The following TCP11L2 variants were observed in gnomAD, a reference collection of about 807,000 sequenced individuals.
The protein encoded by TCP11L2 is t-complex 11 like 2.
A neutral mutation model predicts 50.7 loss-of-function variants in TCP11L2; 39 were observed. That is an observed-to-expected ratio of 0.77 (90% CI 0.60 to 1.01). The LOEUF (loss-of-function observed/expected upper bound fraction) is 1.01, where lower values mean the gene tolerates loss of function less well. Among genes scored for constraint, TCP11L2 ranks in the 50% least tolerant of loss-of-function variants. TCP11L2 has a pLI of 0.00. For synonymous variants in TCP11L2, 192 were observed against 219.3 expected (o/e 0.88, Z 1.10); for missense variants, 612 against 614.7 (o/e 1.00, Z 0.05).
rs538930627 is a variant in TCP11L2 at position 106,337,849 on chromosome 12, A to G, written c.1142+1636A>G. Among the ~76,000 whole-genome samples, 8 of 152,354 alleles carry G rather than the reference A, an allele frequency of 5.3e-5. No individual in the cohort carries two copies. In the East Asian group the frequency reaches 1.5e-3, roughly 29 times the overall value. ...CTAGCTATTAATAACTAGTCATTAA[A>G]TCATCCTCTTTATAATTGTATCTGG... On this transcript the variant is annotated intron_variant, in intron 8 of 9. Coordinates refer to ENST00000299045, the MANE Select transcript of TCP11L2 (RefSeq NM_152772.3).
chr12:106,310,361 T>C (rs2034807543), intron 1 of TCP11L2, among the ~76,000 whole-genome samples: 1 of 152,182 alleles, frequency 6.6e-6, no homozygotes, highest in Admixed American at 6.5e-5. Flanking sequence ...TTAATCTTCA[T>C]ATCACAGCAG....
chr12:106,346,254 G>T lies in TCP11L2; in HGVS notation c.1316-32G>T, dbSNP rs564245868. On this transcript the variant is annotated intron_variant, in intron 9 of 9. Coordinates refer to ENST00000299045, the MANE Select transcript of TCP11L2 (RefSeq NM_152772.3). ...TTAAAAATTATGTACTTTAATAATG[G>T]ACAGATAAAAGTATCTTTTTTTCCC... The T allele has an allele frequency of 2.3e-5, 36 of 1,571,234 alleles. No homozygotes were observed. The South Asian group carries it at 3.8e-4, about 17-fold the overall frequency.
chr12:106,333,065 G>A (rs2035797948), intron 6 of TCP11L2, among the ~76,000 whole-genome samples: 2 of 152,172 alleles, frequency 1.3e-5, no homozygotes, highest in African/African-American at 4.8e-5. Flanking sequence ...TGGTTACAGG[G>A]ATCCACATAT....
chr12:106,318,775 A>G (rs190596531), intron 4 of TCP11L2, among the ~76,000 whole-genome samples: 2 of 152,272 alleles, frequency 1.3e-5, no homozygotes, highest in Non-Finnish European at 2.9e-5. Context: ...CGGTGGCACA[A>G]TCTCGGCTCA....
intron 5 of TCP11L2, among the ~76,000 whole-genome samples, chr12:106,322,977 G>C (rs1314437804): frequency 6.6e-6 from 1 of 152,146 alleles, no homozygotes; most frequent in Non-Finnish European, 1.5e-5. Context: ...TTATCTCATT[G>C]ACTGTTCACA....
chr12:106,329,338 G>C lies in TCP11L2; in HGVS notation c.772+5692G>C, dbSNP rs146483435. 1.1e-3 allele frequency: 1,659 copies of C among 1,536,090 alleles called. 21 individuals carry two copies. The African/African-American group carries it at 0.02, about 19-fold the overall frequency. On this transcript the variant is annotated intron_variant, in intron 6 of 9. Transcript: ENST00000299045. ...CTTAATCCTGTCCCCAGGAAAAGCC[G>C]AGGTTGCAGGTGCCTCATGAGGCTG...
At chr12:106,337,496 T>C (rs2035957377) in intron 8 of TCP11L2, among the ~76,000 whole-genome samples, 1 of 152,224 alleles carries the variant, frequency 6.6e-6, no homozygotes, top group Non-Finnish European at 1.5e-5. Context: ...TATCTTATGA[T>C]TTCCCTGCAT....
rs753239372 is a variant in TCP11L2 at position 106,323,598 on chromosome 12, G to A, written c.724G>A (p.Val242Met). Residue 242 changes from valine to methionine, a missense_variant, in exon 6 of 10, where the codon GTG becomes ATG. Physicochemically the swap from Val to Met is conservative, Grantham distance 21. Coordinates refer to ENST00000299045, the MANE Select transcript of TCP11L2 (RefSeq NM_152772.3). ...CAGACCGCACCTTCAACGCCAGTTG[G>A]TGGAATATGAGAGAACCAAGTTCCA... Reference protein sequence around the residue: ...SLRPHLQRQLVEYERTKFQEI... With the variant: ...SLRPHLQRQLMEYERTKFQEI... The A allele has an allele frequency of 6.2e-7, 1 of 1,607,076 alleles. No homozygotes were observed. Among genetic ancestry groups the A allele is most frequent in the Non-Finnish European group, 8.5e-7 (1 of 1,176,856 alleles).
chr12:106,298,211 A>G (rs897264242), upstream of TCP11L2, among the ~76,000 whole-genome samples: 3 of 152,198 alleles, frequency 2.0e-5, no homozygotes, highest in Admixed American at 6.5e-5. Flanking sequence ...AATTATCTAA[A>G]TCTACCTTAT....
chr12:106,341,466 C>G (rs746019802), intron 9 of TCP11L2, among the ~76,000 whole-genome samples: 3 of 152,208 alleles, frequency 2.0e-5, no homozygotes, highest in Non-Finnish European at 2.9e-5. Context: ...GTCTCAAAGT[C>G]AAGCTGTGTT....
chr12:106,300,447 A>C (rs2034391539), upstream of TCP11L2, among the ~76,000 whole-genome samples: 1 of 152,194 alleles, frequency 6.6e-6, no homozygotes, highest in African/African-American at 2.4e-5. Context: ...CTCCTGCCTC[A>C]GCTTCCAGAG....
At chr12:106,338,176 T>C (rs755432351) in intron 8 of TCP11L2, among the ~76,000 whole-genome samples, 77 of 152,222 alleles carry the variant, frequency 5.1e-4, no homozygotes, top group Admixed American at 1.0e-3. Flanking sequence ...TTTCCCTTTT[T>C]CAACTTTTAT....
intron 4 of TCP11L2, 121 bp from the exon 5 acceptor site, chr12:106,321,365 T>C: frequency 1.3e-6 from 1 of 794,878 alleles, no homozygotes; most frequent in South Asian, 1.7e-5. Flanking sequence ...CAGTGCCAAC[T>C]TCTGTGGCAT....
chr12:106,320,102 GA>G (rs1194085459), intron 4 of TCP11L2, among the ~76,000 whole-genome samples: 3 of 152,058 alleles, frequency 2.0e-5, no homozygotes, highest in Non-Finnish European at 2.9e-5. Context: ...ATGTTGATGA[GA>G]AAAAAGATAG....
At chr12:106,312,550 C>A in intron 2 of TCP11L2, 1 of 458,224 alleles carries the variant, frequency 2.2e-6, no homozygotes, top group Non-Finnish European at 3.0e-6. Context: ...CCTTTCTCTT[C>A]TTCCTCCTCT....
At chr12:106,323,297 T>C (rs1256996796) in intron 5 of TCP11L2, among the ~76,000 whole-genome samples, 1 of 152,246 alleles carries the variant, frequency 6.6e-6, no homozygotes, top group Admixed American at 6.5e-5. Context: ...AGATTGTTTA[T>C]GCTTCAAGTA....
intron 9 of TCP11L2, among the ~76,000 whole-genome samples, chr12:106,344,294 T>A (rs2036171314): frequency 6.6e-6 from 1 of 152,180 alleles, no homozygotes; most frequent in South Asian, 2.1e-4. Flanking sequence ...CTCACTTAAG[T>A]TCAGTCAGCA....
Position 106,332,110 on chromosome 12 carries a change from C to T in TCP11L2, c.773-3529C>T, listed in dbSNP as rs758206378. On this transcript the variant is annotated intron_variant, in intron 6 of 9. Coordinates refer to ENST00000299045, the MANE Select transcript of TCP11L2 (RefSeq NM_152772.3). Reference sequence around the variant, plus strand: ...CTGTCAGTGGTAAGCTGGATGTGGTCGGTACAGACTTGGGAGCCATTTGCT... The same window carrying T: ...CTGTCAGTGGTAAGCTGGATGTGGTTGGTACAGACTTGGGAGCCATTTGCT... Among the ~76,000 whole-genome samples the T allele has an allele frequency of 9.2e-5, 14 of 152,214 alleles. No homozygotes were observed. In the South Asian group the frequency reaches 2.1e-3, roughly 23 times the overall value.
intron 6 of TCP11L2, chr12:106,324,045 A>G (rs888615463): frequency 1.3e-5 from 2 of 152,258 alleles, no homozygotes; most frequent in African/African-American, 4.8e-5. Context: ...CAGCGAACAG[A>G]ATGGAATACA....
Sources: allele counts gnomAD v4.1 joint callset (sites outside exome capture counted in the v4.1 genomes callset), GRCh38; gene constraint gnomAD v4.1.1; transcripts MANE v1.5; gene names NCBI Gene and HGNC (gene_info 2026-07-23, HGNC 2026-07-21).